The following ACTR10 variants were observed in gnomAD, a reference collection of about 807,000 sequenced individuals.
The protein encoded by ACTR10 is actin related protein 10, also known as actin-related protein 10.
In ACTR10, 43 loss-of-function variants were observed where a neutral mutation model predicts 56.2. That is an observed-to-expected ratio of 0.77 (90% CI 0.60 to 0.99). ACTR10 has a LOEUF of 0.99. Ranked by LOEUF, ACTR10 falls within the 50% of genes least tolerant of loss-of-function variation. The pLI is 0.00. For synonymous variants in ACTR10, 170 were observed against 176.3 expected (o/e 0.96, Z 0.28); for missense variants, 466 against 507.8 (o/e 0.92, Z 0.79).
intron 8 of ACTR10, among the ~76,000 whole-genome samples, chr14:58,221,032 C>T (rs961036242): frequency 1.3e-5 from 2 of 151,990 alleles, no homozygotes; most frequent in African/African-American, 4.8e-5. Context: ...GACTGTAATC[C>T]CAGCACTTTG....
intron 12 of ACTR10, among the ~76,000 whole-genome samples, chr14:58,233,681 C>G (rs149410224): frequency 8.5e-5 from 13 of 152,250 alleles, no homozygotes; most frequent in Admixed American, 8.5e-4. Context: ...GTTCAAGGAT[C>G]AGCTGTAACT....
chr14:58,205,601 C>T (rs1047925314), intron 2 of ACTR10, among the ~76,000 whole-genome samples: 1 of 152,138 alleles, frequency 6.6e-6, no homozygotes, highest in Non-Finnish European at 1.5e-5. Flanking sequence ...AGGTGTGAGC[C>T]ACTGCGCTCG....
At chr14:58,218,627 A>AC (rs1048517730) in intron 7 of ACTR10, among the ~76,000 whole-genome samples, 1 of 152,074 alleles carries the variant, frequency 6.6e-6, no homozygotes, top group Non-Finnish European at 1.5e-5. Context: ...TTCTAAGTTT[A>AC]CCTAATTTTA....
chr14:58,205,314 C>CT (rs35929902), intron 2 of ACTR10, among the ~76,000 whole-genome samples: 23,898 of 129,604 alleles, frequency 0.18, 2,751 homozygotes, highest in Middle Eastern at 0.27. Flanking sequence ...CATCAGAAAT[C>CT]TTTTTTTTTT....
chr14:58,201,256 C>T (rs563623795), intron 1 of ACTR10, among the ~76,000 whole-genome samples: 1 of 152,256 alleles, frequency 6.6e-6, no homozygotes, highest in East Asian at 1.9e-4. Flanking sequence ...ATGACATTCT[C>T]TTATTGTTCT....
At chr14:58,229,888 A>G (rs1594815278) in intron 10 of ACTR10, among the ~76,000 whole-genome samples, 1 of 151,994 alleles carries the variant, frequency 6.6e-6, no homozygotes, top group Non-Finnish European at 1.5e-5. Context: ...CATGCTACCA[A>G]AAAGAAATAG....
chr14:58,221,280 TAAAAAA>T, intron 8 of ACTR10, among the ~76,000 whole-genome samples: 1 of 108,286 alleles, frequency 9.2e-6, no homozygotes, highest in Non-Finnish European at 1.8e-5. Flanking sequence ...AGACTCTGTC[TAAAAAA>T]AAAAAAAAAA....
intron 7 of ACTR10, among the ~76,000 whole-genome samples, chr14:58,216,334 C>T (rs929087255): frequency 3.9e-5 from 6 of 152,074 alleles, no homozygotes; most frequent in African/African-American, 1.2e-4. Context: ...TTTGCCATGT[C>T]GCCTAGGCTG....
intron 4 of ACTR10, 89 bp from the exon 5 acceptor site, chr14:58,211,202 AT>A (rs554706640): frequency 3.2e-6 from 3 of 941,300 alleles, no homozygotes; most frequent in Non-Finnish European, 5.0e-6. Context: ...GTTCCTGTGA[AT>A]TTTTTCAAAT....
intron 5 of ACTR10, 117 bp downstream of exon 5, chr14:58,211,516 A>G: frequency 1.5e-6 from 1 of 685,554 alleles, no homozygotes; most frequent in Non-Finnish European, 2.5e-6. Context: ...CTATGTACAA[A>G]TATGAATTAC....
chr14:58,223,855 A>G lies in ACTR10; in HGVS notation c.787A>G (p.Arg263Gly). The change falls in exon 10 of 13, where the codon AGA becomes GGA. Residue 263 changes from arginine to glycine, a missense_variant and splice_region_variant. By Grantham distance (125) the Arg-to-Gly change is moderately radical. Coordinates refer to ENST00000254286, the MANE Select transcript of ACTR10 (RefSeq NM_018477.3). ...EKILHILGSIRDSVVEILFEQ... is the reference protein window; with the variant it reads ...EKILHILGSIGDSVVEILFEQ... ...GATTTTACATATCCTTGGATCAATCAGGTTAGATCTTAAATTTTTACGGCA... is the reference window on the plus strand; with the variant it reads ...GATTTTACATATCCTTGGATCAATCGGGTTAGATCTTAAATTTTTACGGCA... 6.2e-7 allele frequency: 1 copy of G among 1,600,644 alleles called. No homozygotes were observed. Among genetic ancestry groups the G allele is most frequent in the Non-Finnish European group, 8.5e-7 (1 of 1,174,768 alleles).
At position 58,209,027 on chromosome 14, in the gene ACTR10, C is replaced by A. The variant is rs757444319; in HGVS notation, c.262C>A (p.Arg88=). Residue 88 remains arginine (R), a synonymous_variant, in exon 4 of 13, where the codon CGA becomes AGA. Transcript: ENST00000254286. The part of the protein sequence containing the change: ...RHLLVNPRDR[R]VVIIESVLCP... ...TCTATTGGTGAATCCCAGAGACCGC[C>A]GAGTTGTGATTATCGAATCGGTATT... The A allele has an allele frequency of 6.2e-7, 1 of 1,612,248 alleles. No homozygotes were observed. The highest frequency in any genetic ancestry group is 8.5e-7 in the Non-Finnish European group (1 of 1,179,164).
intron 7 of ACTR10, among the ~76,000 whole-genome samples, chr14:58,215,973 CT>C (rs754573194): frequency 0.015 from 2,048 of 135,636 alleles, 20 homozygotes; most frequent in African/African-American, 0.037. Context: ...TTCTTTCTTT[CT>C]TTTTTTTTTT....
chr14:58,200,307 GA>G lies in ACTR10; in HGVS notation c.77+14del. The G allele has an allele frequency of 6.7e-7, 1 of 1,494,042 alleles. No homozygotes were observed. The highest frequency in any genetic ancestry group is 8.9e-7 in the Non-Finnish European group (1 of 1,124,472). 92.5% of individuals were successfully genotyped at this position (1,494,042 alleles called of 1,614,324 possible). A position where few individuals can be genotyped will look rare whatever the true frequency, so the allele number is the denominator to read the frequency against. ...AGGCCTTTACCAAGTGAGTGGCCGT[GA>G]CGCCAGCTGTGTTCGACCCGAGGGG... On this transcript the variant is annotated intron_variant, in intron 1 of 12. Transcript: ENST00000254286.
At chr14:58,201,969 C>CTCCA (rs1159622281) in intron 1 of ACTR10, among the ~76,000 whole-genome samples, 5 of 146,024 alleles carry the variant, frequency 3.4e-5, no homozygotes, top group African/African-American at 5.1e-5. Context: ...TGCCACTGCA[C>CTCCA]TCCAGCCTGG....
At chr14:58,222,356 A>G (rs1594811375) in intron 8 of ACTR10, among the ~76,000 whole-genome samples, 2 of 152,204 alleles carry the variant, frequency 1.3e-5, no homozygotes, top group Non-Finnish European at 2.9e-5. Flanking sequence ...CAAAATGCAA[A>G]AAGTAAAGTG....
intron 8 of ACTR10, among the ~76,000 whole-genome samples, chr14:58,220,207 A>AT (rs934340607): frequency 1.2e-4 from 18 of 152,310 alleles, no homozygotes; most frequent in African/African-American, 2.9e-4. Flanking sequence ...GTTTTCTGGT[A>AT]TTTTTATTCA....
At chr14:58,204,163 C>G (rs937089372) in intron 2 of ACTR10, among the ~76,000 whole-genome samples, 1 of 150,406 alleles carries the variant, frequency 6.6e-6, no homozygotes, top group Non-Finnish European at 1.5e-5. Context: ...GGGCAGATCA[C>G]GAGGTCAGGA....
At chr14:58,212,630 T>C (rs574241892) in intron 5 of ACTR10, among the ~76,000 whole-genome samples, 9 of 152,324 alleles carry the variant, frequency 5.9e-5, no homozygotes, top group South Asian at 2.1e-4. Context: ...ATTCTCCTTA[T>C]ATAAATGAGA....
Sources: allele counts gnomAD v4.1 joint callset (sites outside exome capture counted in the v4.1 genomes callset), GRCh38; gene constraint gnomAD v4.1.1; transcripts MANE v1.5; gene names NCBI Gene and HGNC (gene_info 2026-07-23, HGNC 2026-07-21).